ATG14: variants seen among roughly 807,000 people sequenced by gnomAD.
ATG14 encodes the protein autophagy related 14.
ATG14 carries 35 observed loss-of-function variants against 60.4 expected under a neutral mutation model. The observed-to-expected ratio is 0.58, with a 90% CI of 0.44 to 0.77. The LOEUF (loss-of-function observed/expected upper bound fraction) is 0.77, where lower values mean the gene tolerates loss of function less well. Ranked by LOEUF, ATG14 falls within the 30% of genes least tolerant of loss-of-function variation. The pLI is 0.00. For synonymous variants in ATG14, 234 were observed against 228.8 expected (o/e 1.02, Z -0.21); for missense variants, 647 against 626.3 (o/e 1.03, Z -0.35).
chr14:55,388,337 T>C (rs1383892362), intron 4 of ATG14, among the ~76,000 whole-genome samples: 1 of 152,228 alleles, frequency 6.6e-6, no homozygotes, highest in Non-Finnish European at 1.5e-5. Context: ...TTCAAATTTA[T>C]TATCATGACC....
chr14:55,389,267 G>GGTGGCAAAGCCCTGAATATC lies in ATG14; in HGVS notation c.409+1624_409+1643dup, dbSNP rs577672709. Reference sequence around the variant, plus strand: ...ATTTTCAGGAGGTTCACAGATGCCCGGTGGCAAAGCCCTGAATATCATGGT... The same window carrying GGTGGCAAAGCCCTGAATATC: ...ATTTTCAGGAGGTTCACAGATGCCCGGTGGCAAAGCCCTGAATATCGTGGCAAAGCCCTGAATATCATGGT... On this transcript the variant is annotated intron_variant, in intron 4 of 9. Coordinates refer to ENST00000247178, the MANE Select transcript of ATG14 (RefSeq NM_014924.5). 2.1e-3 allele frequency among the ~76,000 whole-genome samples: 319 copies of GGTGGCAAAGCCCTGAATATC among 152,328 alleles called. 3 individuals carry two copies. Among genetic ancestry groups the GGTGGCAAAGCCCTGAATATC allele is most frequent in the Admixed American group, 4.6e-3 (71 of 15,292 alleles).
chr14:55,405,329 C>T (rs1885471714), intron 1 of ATG14, among the ~76,000 whole-genome samples: 1 of 152,184 alleles, frequency 6.6e-6, no homozygotes, highest in African/African-American at 2.4e-5. Context: ...ATTTAAATTT[C>T]TTCCTCATCC....
chr14:55,401,433 G>A (rs1247858167), intron 1 of ATG14, among the ~76,000 whole-genome samples: 3 of 151,806 alleles, frequency 2.0e-5, no homozygotes, highest in Non-Finnish European at 4.4e-5. Flanking sequence ...ACTAGTTTTT[G>A]TGCTGTTTTC....
intron 9 of ATG14, 124 bp from the exon 10 acceptor site, chr14:55,370,049 A>C: frequency 1.2e-6 from 1 of 863,958 alleles, no homozygotes; most frequent in Non-Finnish European, 1.7e-6. Context: ...TTCATTCCCC[A>C]AGTCTATGCA....
intron 9 of ATG14, among the ~76,000 whole-genome samples, chr14:55,375,977 T>C (rs1884912295): frequency 6.6e-6 from 1 of 152,236 alleles, no homozygotes; most frequent in Non-Finnish European, 1.5e-5. Context: ...CCCCTAATTA[T>C]TAATGGGAAC....
In ATG14 at chr14:55,368,911, T is replaced by TA. The variant is rs1453673269; in HGVS notation, c.*707dup. The TA allele has an allele frequency of 6.6e-6, 1 of 152,498 alleles. No individual in the cohort carries two copies. Among genetic ancestry groups the TA allele is most frequent in the Non-Finnish European group, 1.5e-5 (1 of 68,034 alleles). 9.4% of individuals were successfully genotyped at this position (152,498 alleles called of 1,614,324 possible). ...TCCCCTCAGAATACAAGAAAATAGT[T>TA]AAAAACTCTCTAGACATTATTGCAG... On this transcript the variant is annotated 3_prime_UTR_variant, in exon 10 of 10. Coordinates refer to ENST00000247178, the MANE Select transcript of ATG14 (RefSeq NM_014924.5).
At chr14:55,371,574 C>T (rs182402934) in intron 9 of ATG14, among the ~76,000 whole-genome samples, 131 of 151,742 alleles carry the variant, frequency 8.6e-4, no homozygotes, top group Non-Finnish European at 1.8e-3. Flanking sequence ...TGGGAGGCTG[C>T]GGCGGGCAGA....
chr14:55,369,882 C>T lies in ATG14; in HGVS notation c.1216G>A (p.Glu406Lys). ...CCAGCAACTCCGGGATCCACAAATT[C>T]CATGGACTCCTCAAGGTCTGCTCGT... ...EVRADLEESM[E>K]FVDPGVAGES... Residue 406 changes from glutamate (E) to lysine (K), a missense_variant, in exon 10 of 10, where the codon GAA (glutamate) becomes AAA (lysine). Glu to Lys is a moderately conservative substitution (Grantham distance 56). Transcript: ENST00000247178. 2 of 1,614,028 alleles carry T rather than the reference C, an allele frequency of 1.2e-6. No homozygotes were observed. The highest frequency in any genetic ancestry group is 1.7e-6 in the Non-Finnish European group (2 of 1,179,936).
intron 5 of ATG14, among the ~76,000 whole-genome samples, chr14:55,382,451 G>A (rs1260674438): frequency 6.6e-6 from 1 of 152,052 alleles, no homozygotes; most frequent in East Asian, 1.9e-4. Context: ...AAGTAGCTGG[G>A]ACTACAGGTA....
intron 3 of ATG14, among the ~76,000 whole-genome samples, chr14:55,392,879 C>G (rs892200615): frequency 2.0e-5 from 3 of 152,074 alleles, no homozygotes; most frequent in African/African-American, 7.2e-5. Flanking sequence ...AACAGATCCA[C>G]AGGGACTGAG....
chr14:55,388,745 T>C (rs1885165497), intron 4 of ATG14, among the ~76,000 whole-genome samples: 1 of 152,170 alleles, frequency 6.6e-6, no homozygotes, highest in African/African-American at 2.4e-5. Flanking sequence ...CTAAAATTGT[T>C]TGCAAATTTT....
At chr14:55,403,735 T>G (rs1478143634) in intron 1 of ATG14, among the ~76,000 whole-genome samples, 1 of 152,186 alleles carries the variant, frequency 6.6e-6, no homozygotes, top group Non-Finnish European at 1.5e-5. Context: ...GATCCCACTT[T>G]GGCAGAGAAT....
intron 3 of ATG14, chr14:55,395,077 GT>G: frequency 2.0e-6 from 1 of 503,768 alleles, no homozygotes. Flanking sequence ...TTTCCCTTTT[GT>G]TTGCACTTTT....
At chr14:55,391,490 A>G (rs1490708459) in intron 3 of ATG14, among the ~76,000 whole-genome samples, 1 of 151,154 alleles carries the variant, frequency 6.6e-6, no homozygotes, top group African/African-American at 2.4e-5. Flanking sequence ...AAAAAAAAAA[A>G]GGAAAGGGAA....
intron 1 of ATG14, among the ~76,000 whole-genome samples, chr14:55,406,525 T>G (rs1885494099): frequency 6.6e-6 from 1 of 152,220 alleles, no homozygotes; most frequent in African/African-American, 2.4e-5. Flanking sequence ...CAAGGCCTAT[T>G]GACAGTCGGT....
At position 55,378,027 on chromosome 14, in the gene ATG14, A is replaced by ACTGCTCGAGTAAATTT; in HGVS notation, c.1027_1042dup (p.Val348GlufsTer45). 6.2e-7 allele frequency: 1 copy of ACTGCTCGAGTAAATTT among 1,613,190 alleles called. No homozygotes were observed. The highest frequency in any genetic ancestry group is 8.5e-7 in the Non-Finnish European group (1 of 1,179,290). Reference sequence around the variant, plus strand: ...AAGAATATTTGCATTCAGTTTCTTCACTGCTCGAGTAAATTTCTGCTTGCT... The same window carrying ACTGCTCGAGTAAATTT: ...AAGAATATTTGCATTCAGTTTCTTCACTGCTCGAGTAAATTTCTGCTCGAGTAAATTTCTGCTTGCT... On this transcript the variant is annotated frameshift_variant, in exon 8 of 10. Coordinates refer to ENST00000247178, the MANE Select transcript of ATG14 (RefSeq NM_014924.5). LOFTEE classifies it high-confidence loss of function.
At chr14:55,372,351 T>G (rs182529221) in intron 9 of ATG14, among the ~76,000 whole-genome samples, 1 of 152,146 alleles carries the variant, frequency 6.6e-6, no homozygotes, top group East Asian at 1.9e-4. Context: ...ACGCACCCAC[T>G]AAAAAAGTTC....
intron 4 of ATG14, among the ~76,000 whole-genome samples, chr14:55,386,702 C>A (rs960880364): frequency 6.6e-6 from 1 of 152,166 alleles, no homozygotes; most frequent in African/African-American, 2.4e-5. Context: ...GAAACAAAAG[C>A]CTGGCCACAC....
At chr14:55,394,551 C>T (rs1885280936) in intron 3 of ATG14, among the ~76,000 whole-genome samples, 2 of 152,194 alleles carry the variant, frequency 1.3e-5, no homozygotes, top group African/African-American at 4.8e-5. Flanking sequence ...CAATTCACAA[C>T]TGAATAGCAT....
Sources: allele counts gnomAD v4.1 joint callset (sites outside exome capture counted in the v4.1 genomes callset), GRCh38; gene constraint gnomAD v4.1.1; transcripts MANE v1.5; gene names NCBI Gene and HGNC (gene_info 2026-07-23, HGNC 2026-07-21).